KLHDC4: variants seen among roughly 807,000 people sequenced by gnomAD.
KLHDC4 encodes kelch domain containing 4.
In KLHDC4, 90 loss-of-function variants were observed where a neutral mutation model predicts 62.4. The observed-to-expected ratio is 1.44, with a 90% CI of 1.22 to 1.72. The LOEUF is 1.72. KLHDC4 is among the 40% of genes most tolerant of loss of function. The pLI, the probability that KLHDC4 is intolerant of heterozygous loss-of-function variation, is 0.00. For synonymous variants in KLHDC4, 386 were observed against 284.4 expected (o/e 1.36, Z -3.59); for missense variants, 1,025 against 699.7 (o/e 1.47, Z -5.25).
At chr16:87,714,093 C>A (rs2036438475) in intron 8 of KLHDC4, among the ~76,000 whole-genome samples, 1 of 152,142 alleles carries the variant, frequency 6.6e-6, no homozygotes, top group Non-Finnish European at 1.5e-5. Flanking sequence ...AAGAGCGAGG[C>A]CCGTCACCAC....
At chr16:87,759,564 C>G (rs926002215) in intron 2 of KLHDC4, among the ~76,000 whole-genome samples, 9 of 152,190 alleles carry the variant, frequency 5.9e-5, no homozygotes, top group Non-Finnish European at 2.9e-5. Context: ...CTGACCAACA[C>G]GGAGAAACTC....
At chr16:87,751,410 G>A (rs914756720) in intron 4 of KLHDC4, among the ~76,000 whole-genome samples, 2 of 151,478 alleles carry the variant, frequency 1.3e-5, no homozygotes, top group Admixed American at 6.6e-5. Flanking sequence ...GGAGGCAGAA[G>A]TTGCAGTGAG....
intron 7 of KLHDC4, among the ~76,000 whole-genome samples, chr16:87,715,685 G>C (rs2036823455): frequency 6.6e-6 from 1 of 152,158 alleles, no homozygotes; most frequent in African/African-American, 2.4e-5. Context: ...ACGATCCCCG[G>C]GGTGAAGTGC....
At position 87,765,819 on chromosome 16, in the gene KLHDC4, C is replaced by G. The variant is rs773469227; in HGVS notation, c.72G>C (p.Lys24Asn). 1.3e-6 allele frequency: 2 copies of G among 1,568,324 alleles called. No homozygotes were observed. Among genetic ancestry groups the G allele is most frequent in the South Asian group, 1.2e-5 (1 of 85,340 alleles). ...CCTCCTTCCGCGAGCGCTTAGACAC[C>G]TTCTTCTCCATCTTGGCGGCCGTCT... ...AEKTAAKMEK[K>N]VSKRSRKEEE... is the part of the protein sequence containing the mutation. Residue 24 changes from lysine to asparagine, a missense_variant, in exon 1 of 12, where the codon AAG becomes AAC. Physicochemically the swap from Lys to Asn is moderately conservative, Grantham distance 94 (BLOSUM62 0). Coordinates refer to ENST00000270583, the MANE Select transcript of KLHDC4 (RefSeq NM_017566.4).
chr16:87,749,035 T>C (rs1300619211), intron 4 of KLHDC4, among the ~76,000 whole-genome samples: 1 of 150,586 alleles, frequency 6.6e-6, no homozygotes, highest in Non-Finnish European at 1.5e-5. Context: ...CCTTCATGTA[T>C]CCCTAGGTTG....
chr16:87,725,763 C>T (rs1222928487), intron 7 of KLHDC4, among the ~76,000 whole-genome samples: 2 of 152,152 alleles, frequency 1.3e-5, no homozygotes, highest in African/African-American at 4.8e-5. Context: ...ACACACTCCA[C>T]GAGCAGATGC....
intron 3 of KLHDC4, 169 bp downstream of exon 3, chr16:87,756,230 C>G (rs2044867481): frequency 3.6e-6 from 2 of 548,660 alleles, no homozygotes; most frequent in Admixed American, 5.5e-5. Context: ...AACAGTCATG[C>G]CAGGGCCTGG....
chr16:87,711,547 A>C (rs2035839994), intron 8 of KLHDC4, 104 bp from the exon 9 acceptor site: 1 of 966,082 alleles, frequency 1.0e-6, no homozygotes, highest in South Asian at 1.7e-5. Context: ...AATGGGGTAA[A>C]TGAAAACCGT....
At chr16:87,701,806 G>A (rs1319822026) in exon 1 of KLHDC4, 1 of 456,722 alleles carries the variant, frequency 2.2e-6, no homozygotes, top group Non-Finnish European at 4.4e-6. Context: ...TGCCCCATGG[G>A]ACAGAGGCCT....
chr16:87,729,794 A>G (rs992656119), intron 6 of KLHDC4, among the ~76,000 whole-genome samples: 2 of 152,112 alleles, frequency 1.3e-5, no homozygotes, highest in Admixed American at 1.3e-4. Context: ...CTCAAAGTGA[A>G]GTCCCCTGGC....
chr16:87,745,147 T>C (rs763268163), intron 5 of KLHDC4, among the ~76,000 whole-genome samples: 2 of 152,218 alleles, frequency 1.3e-5, no homozygotes, highest in Non-Finnish European at 2.9e-5. Context: ...AAAATTCCAA[T>C]GAGCAGGTGC....
exon 1 of KLHDC4, chr16:87,701,383 AG>A: frequency 3.1e-6 from 1 of 321,400 alleles, no homozygotes; most frequent in South Asian, 2.6e-5. Flanking sequence ...CCCAAGCTTC[AG>A]CCCACCCATT....
At chr16:87,727,007 G>T in intron 6 of KLHDC4, 83 bp from the exon 7 acceptor site, 2 of 1,456,854 alleles carry the variant, frequency 1.4e-6, no homozygotes, top group Non-Finnish European at 9.5e-7. Context: ...TTAAATTAAA[G>T]GTAAATTTCC....
At chr16:87,748,286 C>A (rs1243319631) in intron 5 of KLHDC4, among the ~76,000 whole-genome samples, 1 of 152,242 alleles carries the variant, frequency 6.6e-6, no homozygotes, top group African/African-American at 2.4e-5. Context: ...CAACTCGACA[C>A]AGAAAGAACG....
At chr16:87,713,468 G>C (rs766889646) in intron 8 of KLHDC4, among the ~76,000 whole-genome samples, 1 of 152,132 alleles carries the variant, frequency 6.6e-6, no homozygotes, top group African/African-American at 2.4e-5. Context: ...AAAGTGCTGG[G>C]ATTATAGGTA....
At chr16:87,739,361 T>C (rs1156243757) in intron 5 of KLHDC4, among the ~76,000 whole-genome samples, 12 of 126,742 alleles carry the variant, frequency 9.5e-5, no homozygotes, top group African/African-American at 3.1e-4. Context: ...CAGCATCTCA[T>C]CCATCCACAC....
At chr16:87,718,939 C>G (rs1034369590) in intron 7 of KLHDC4, among the ~76,000 whole-genome samples, 2 of 150,156 alleles carry the variant, frequency 1.3e-5, no homozygotes, top group African/African-American at 4.9e-5. Context: ...AGGTGAGGAG[C>G]GTCTCTGCCC....
At chr16:87,761,868 G>T (rs1056907235) in intron 2 of KLHDC4, 81 bp downstream of exon 2, 14 of 1,353,996 alleles carry the variant, frequency 1.0e-5, no homozygotes, top group African/African-American at 1.5e-5. Context: ...GGTCATTTAC[G>T]AAACCTGGTG....
rs902981881 is a variant in KLHDC4, at chr16:87,714,570, C to G, written c.763G>C (p.Val255Leu). ...VVYGGYSKQR[V>L]KKDVDKGTRH... The stretch of plus-strand genomic sequence containing the variant: ...GTGCCCTTGTCCACGTCTTTCTTAA[C>G]TCTCTGCAATGGAAAGGAATTGTGT... The change falls in exon 8 of 12, where the codon GTT becomes CTT. Residue 255 changes from valine (V) to leucine (L), a missense_variant. Transcript: ENST00000270583. The G allele has an allele frequency of 6.2e-7, 1 of 1,614,020 alleles. No homozygotes were observed. The highest frequency in any genetic ancestry group is 8.5e-7 in the Non-Finnish European group (1 of 1,179,978).
Sources: allele counts gnomAD v4.1 joint callset (sites outside exome capture counted in the v4.1 genomes callset), GRCh38; gene constraint gnomAD v4.1.1; transcripts MANE v1.5; gene names NCBI Gene and HGNC (gene_info 2026-07-23, HGNC 2026-07-21).